PDPR: variants seen among roughly 807,000 people sequenced by gnomAD.
PDPR encodes pyruvate dehydrogenase phosphatase regulatory subunit, also known as pyruvate dehydrogenase phosphatase regulatory subunit, mitochondrial.
A neutral mutation model predicts 102.2 loss-of-function variants in PDPR; 50 were observed. The ratio of observed to expected loss-of-function variants is 0.49; its 90% CI spans 0.39 to 0.62. The LOEUF (loss-of-function observed/expected upper bound fraction) is 0.62. Among genes scored for constraint, PDPR ranks in the 20% least tolerant of loss-of-function variants. PDPR has a pLI of 0.00. For missense variants in PDPR, 625 were observed against 1,098.2 expected (o/e 0.57, Z 6.09); for synonymous variants, 259 against 406.0 (o/e 0.64, Z 4.35).
At position 70,161,465 on chromosome 16, in the gene PDPR, A is replaced by C. The variant is rs1014503526; in HGVS notation, c.*4586A>C. 2 of 153,152 alleles carry C rather than the reference A, an allele frequency of 1.3e-5. No homozygotes were observed. Among genetic ancestry groups the C allele is most frequent in the African/African-American group, 2.4e-5 (1 of 41,484 alleles). 9.5% of individuals were successfully genotyped at this position (153,152 alleles called of 1,614,324 possible). A position where few individuals can be genotyped will look rare whatever the true frequency, so the allele number is the denominator to read the frequency against. Reference sequence around the variant, plus strand: ...TCACCTTGCATATGTCATTTCAGGCACATGGATTCAGGAGAAGCACAGTTG... The same window carrying C: ...TCACCTTGCATATGTCATTTCAGGCCCATGGATTCAGGAGAAGCACAGTTG... On this transcript the variant is annotated 3_prime_UTR_variant, in exon 19 of 19. Transcript: ENST00000288050.
intron 17 of PDPR, among the ~76,000 whole-genome samples, chr16:70,149,595 C>G (rs528918245): frequency 1.1e-3 from 175 of 152,328 alleles, no homozygotes; most frequent in Admixed American, 2.1e-3. Flanking sequence ...AGAGCTCTTT[C>G]TTTGTTGGTA....
chr16:70,117,826 T>A (rs1289601025), intron 2 of PDPR, among the ~76,000 whole-genome samples: 1 of 151,774 alleles, frequency 6.6e-6, no homozygotes, highest in Non-Finnish European at 1.5e-5. Context: ...GGTGTGGTGG[T>A]TCACGCCTAT....
intron 11 of PDPR, among the ~76,000 whole-genome samples, chr16:70,141,392 T>C (rs1283365542): frequency 2.0e-5 from 3 of 152,268 alleles, no homozygotes; most frequent in Non-Finnish European, 4.4e-5. Context: ...GTGTGAATAA[T>C]GTCATTGGTA....
intron 10 of PDPR, among the ~76,000 whole-genome samples, chr16:70,138,452 A>G (rs1422760194): frequency 6.6e-6 from 1 of 152,114 alleles, no homozygotes; most frequent in African/African-American, 2.4e-5. Context: ...CCTGACCTCA[A>G]GTGATCCGTC....
chr16:70,123,010 C>T (rs1196884501), intron 3 of PDPR, among the ~76,000 whole-genome samples: 1 of 152,092 alleles, frequency 6.6e-6, no homozygotes, highest in Non-Finnish European at 1.5e-5. Context: ...CAGTGATTCT[C>T]CTGCCCCAGG....
At chr16:70,136,018 G>C (rs1201386573) in intron 9 of PDPR, among the ~76,000 whole-genome samples, 176 bp from the exon 10 acceptor site, 3 of 151,226 alleles carry the variant, frequency 2.0e-5, no homozygotes, top group Non-Finnish European at 4.4e-5. Context: ...GCAGTGAGCC[G>C]AGATCGTGCC....
At position 70,137,473 on chromosome 16, in the gene PDPR, A is replaced by G. The variant is rs1479481429; in HGVS notation, c.1190+1087A>G. On this transcript the variant is annotated intron_variant, in intron 10 of 18. Coordinates refer to ENST00000288050, the MANE Select transcript of PDPR (RefSeq NM_017990.5). ...ATGAAGTTGCTAGAGTTGTCACATC[A>G]TAGAGACAGAAAGTACAATGGTGGT... is the stretch of plus-strand genomic sequence containing the variant. Among the ~76,000 whole-genome samples, 6 of 152,402 alleles carry G rather than the reference A, an allele frequency of 3.9e-5. No individual in the cohort carries two copies. The East Asian group carries it at 9.6e-4, about 24-fold the overall frequency.
At chr16:70,129,549 A>G (rs1337487781) in intron 6 of PDPR, among the ~76,000 whole-genome samples, 8 of 152,388 alleles carry the variant, frequency 5.2e-5, no homozygotes, top group Admixed American at 2.0e-4. Flanking sequence ...GGGTTTCGCC[A>G]TATTGGCCAG....
At chr16:70,138,635 C>T (rs1176633429) in intron 10 of PDPR, among the ~76,000 whole-genome samples, 2 of 152,260 alleles carry the variant, frequency 1.3e-5, no homozygotes, top group Admixed American at 6.5e-5. Flanking sequence ...TTACAGGCAT[C>T]AGCCAATGTG....
intron 9 of PDPR, among the ~76,000 whole-genome samples, chr16:70,133,453 T>C (rs1361362748): frequency 7.3e-6 from 1 of 137,894 alleles, no homozygotes; most frequent in African/African-American, 2.9e-5. Flanking sequence ...AGTCTTGCTC[T>C]GTCGCCCAGA....
intron 13 of PDPR, among the ~76,000 whole-genome samples, 184 bp downstream of exon 13, chr16:70,142,870 C>A (rs1965873297): frequency 6.6e-6 from 1 of 152,382 alleles, no homozygotes; most frequent in African/African-American, 2.4e-5. Context: ...ACCAGCCTGG[C>A]CAAGATGGTG....
intron 9 of PDPR, among the ~76,000 whole-genome samples, chr16:70,133,767 C>T (rs1405375413): frequency 1.3e-5 from 2 of 150,878 alleles, no homozygotes; most frequent in African/African-American, 2.4e-5. Flanking sequence ...GAGTTTCACT[C>T]TTGTTGCCCA....
chr16:70,131,792 T>G, intron 8 of PDPR: 1 of 1,362,196 alleles, frequency 7.3e-7, no homozygotes, highest in South Asian at 1.3e-5. Flanking sequence ...GAGAGGGTTC[T>G]CACATCCTTT....
chr16:70,123,021 C>G (rs1963508783), intron 3 of PDPR, among the ~76,000 whole-genome samples: 1 of 152,172 alleles, frequency 6.6e-6, no homozygotes, highest in African/African-American at 2.4e-5. Context: ...CTGCCCCAGG[C>G]TCCCAAGTAG....
Position 70,161,847 on chromosome 16 carries a change from C to T in PDPR, c.*4968C>T, listed in dbSNP as rs1967820611. Reference sequence around the variant, plus strand: ...CCATTTTTCTCATTCTTAGATGCACCTGTTTTTATCCTTTGCAGACCATCT... The same window carrying T: ...CCATTTTTCTCATTCTTAGATGCACTTGTTTTTATCCTTTGCAGACCATCT... On this transcript the variant is annotated 3_prime_UTR_variant, in exon 19 of 19. Coordinates refer to ENST00000288050, the MANE Select transcript of PDPR (RefSeq NM_017990.5). 1 of 152,404 alleles carries T rather than the reference C, an allele frequency of 6.6e-6. No homozygotes were observed. Among genetic ancestry groups the T allele is most frequent in the Non-Finnish European group, 1.5e-5 (1 of 68,094 alleles). The allele number at this position is 152,404 out of a possible 1,614,324, so 9.4% of individuals were successfully genotyped here. A position where few individuals can be genotyped will look rare whatever the true frequency, so the allele number is the denominator to read the frequency against.
chr16:70,137,009 C>G (rs1965212817), intron 10 of PDPR, among the ~76,000 whole-genome samples: 1 of 151,798 alleles, frequency 6.6e-6, no homozygotes, highest in Admixed American at 6.6e-5. Context: ...TCCCAAAGTG[C>G]TAGGATTACA....
intron 16 of PDPR, among the ~76,000 whole-genome samples, chr16:70,146,509 C>G (rs1966253481): frequency 7.8e-6 from 1 of 128,178 alleles, no homozygotes; most frequent in South Asian, 2.9e-4. Flanking sequence ...ATCCCAGCTA[C>G]TTGGGAGGCT....
Position 70,130,637 on chromosome 16 carries a change from T to C in PDPR, c.729+93T>C, listed in dbSNP as rs371921572. The C allele has an allele frequency of 3.4e-4, 506 of 1,501,864 alleles. No individual in the cohort carries two copies. The African/African-American group carries it at 6.1e-3, about 18-fold the overall frequency. The allele number at this position is 1,501,864 out of a possible 1,614,324, so 93.0% of individuals were successfully genotyped here. The stretch of plus-strand genomic sequence containing the variant: ...GTAAGATTAGTATTGTGATTGGTTA[T>C]ACAGATATCAGTAACTACGCTGTTT... On this transcript the variant is annotated intron_variant, in intron 7 of 18. Coordinates refer to ENST00000288050, the MANE Select transcript of PDPR (RefSeq NM_017990.5).
intron 4 of PDPR, among the ~76,000 whole-genome samples, chr16:70,128,029 G>T (rs1964149246): frequency 6.6e-6 from 1 of 152,234 alleles, no homozygotes; most frequent in Non-Finnish European, 1.5e-5. Context: ...GGGTCTGATT[G>T]GATAAGCTTA....
Sources: gnomAD v4.1 joint callset for allele counts (sites outside exome capture counted in the v4.1 genomes callset) on GRCh38, gnomAD v4.1.1 for gene constraint, MANE v1.5 for transcripts, NCBI Gene and HGNC (gene_info 2026-07-23, HGNC 2026-07-21) for gene names.